Variants in GNG7 observed in about 807,000 individuals in gnomAD.
The protein encoded by GNG7 is guanine nucleotide-binding protein G(I)/G(S)/G(O) subunit gamma-7.
A neutral mutation model predicts 4.0 loss-of-function variants in GNG7; 1 was observed. That is an observed-to-expected ratio of 0.25 (90% CI 0.09 to 1.18). GNG7 has a LOEUF of 1.18. Among genes scored for constraint, GNG7 ranks in the 50% most tolerant of loss-of-function variants. The pLI, the probability that GNG7 is intolerant of heterozygous loss-of-function variation, is 0.50. For missense variants in GNG7, 86 were observed against 91.9 expected, an observed-to-expected ratio of 0.94 and a Z score of 0.26; for synonymous variants, 34 against 36.9, an observed-to-expected ratio of 0.92 and a Z score of 0.29.
In GNG7 at chr19:2,513,099, A is replaced by T; in HGVS notation, c.*1923T>A. 1.0e-6 allele frequency: 1 copy of T among 985,498 alleles called. No homozygotes were observed. Among genetic ancestry groups the T allele is most frequent in the Non-Finnish European group, 1.2e-6 (1 of 830,034 alleles). 61.0% of individuals were successfully genotyped at this position (985,498 alleles called of 1,614,324 possible). On this transcript the variant is annotated 3_prime_UTR_variant, in exon 5 of 5. Transcript: ENST00000382159. ...GGCTGTGGCCTGTGGGAGCTGCCCG[A>T]GGTTGAGGAGTGGAGGTCACTCCCC... is the stretch of plus-strand genomic sequence containing the variant.
intron 1 of GNG7, among the ~76,000 whole-genome samples, chr19:2,664,209 C>T (rs1329406029): frequency 2.6e-5 from 4 of 152,182 alleles, no homozygotes; most frequent in Non-Finnish European, 4.4e-5. Context: ...GTGGCAGGGG[C>T]GTCTTGTCTC....
chr19:2,604,051 T>C (rs184468289), intron 2 of GNG7, among the ~76,000 whole-genome samples: 7 of 151,592 alleles, frequency 4.6e-5, no homozygotes, highest in African/African-American at 1.7e-4. Flanking sequence ...GGGGTTTCAC[T>C]GTGTTAGCCA....
intron 2 of GNG7, among the ~76,000 whole-genome samples, chr19:2,593,438 A>G (rs1289151389): frequency 6.6e-6 from 1 of 152,164 alleles, no homozygotes. Context: ...GCTGCTCTAA[A>G]GATTTCAAAA....
intron 1 of GNG7, among the ~76,000 whole-genome samples, chr19:2,673,475 C>T (rs1203510661): frequency 1.3e-5 from 2 of 151,550 alleles, no homozygotes; most frequent in Non-Finnish European, 2.9e-5. Flanking sequence ...GGCGGCTCAC[C>T]TGAGGTCAGG....
chr19:2,589,904 C>T lies in GNG7; in HGVS notation c.-77-34716G>A, dbSNP rs541788119. On this transcript the variant is annotated intron_variant, in intron 2 of 4. Coordinates refer to ENST00000382159, the MANE Select transcript of GNG7 (RefSeq NM_052847.3). ...TCAGCTCACTGCAACCTCCACCTCCCGGGTTCAAGCGATTCTTCTACCTCA... is the reference window on the plus strand; with the variant it reads ...TCAGCTCACTGCAACCTCCACCTCCTGGGTTCAAGCGATTCTTCTACCTCA... 5.3e-5 allele frequency among the ~76,000 whole-genome samples: 8 copies of T among 152,198 alleles called. No individual in the cohort carries two copies. In the South Asian group the frequency reaches 1.2e-3, roughly 24 times the overall value.
intron 2 of GNG7, among the ~76,000 whole-genome samples, chr19:2,573,209 G>C (rs1048718377): frequency 6.6e-6 from 1 of 151,150 alleles, no homozygotes; most frequent in African/African-American, 2.4e-5. Flanking sequence ...TTTTAGTAGC[G>C]ACGGGGTTTC....
chr19:2,685,773 T>A (rs1021982518), intron 1 of GNG7, among the ~76,000 whole-genome samples: 3 of 152,082 alleles, frequency 2.0e-5, no homozygotes, highest in African/African-American at 7.2e-5. Flanking sequence ...CCGCCCGGTG[T>A]CCTCCTCCCG....
chr19:2,634,571 G>GC lies in GNG7; in HGVS notation c.-78+11652dup, dbSNP rs1245272985. Among the ~76,000 whole-genome samples, 3 of 152,200 alleles carry GC rather than the reference G, an allele frequency of 2.0e-5. No homozygotes were observed. Among genetic ancestry groups the GC allele is most frequent in the Non-Finnish European group, 4.4e-5 (3 of 67,998 alleles). On this transcript the variant is annotated intron_variant, in intron 2 of 4. Transcript: ENST00000382159. This position sits in a 1 kb window ranked among gnomAD's most constrained non-coding sequence, Gnocchi z 5.3. ...GCAGAGCCCCTGATTTCGGCACAGC[G>GC]CCCCGTAATTACTTGCGGGCTGCAC...
chr19:2,657,337 TAAAAAAAAAAAAAAAAAAAA>T (rs372388972), intron 1 of GNG7, among the ~76,000 whole-genome samples: 226 of 13,960 alleles, frequency 0.016, 15 homozygotes, highest in Middle Eastern at 0.033. Context: ...CCGTCTCAAT[TAAAAAAAAAAAAAAAAAAAA>T]AAAAATATAT....
chr19:2,677,722 AC>A (rs1568282363), intron 1 of GNG7, among the ~76,000 whole-genome samples: 1 of 151,840 alleles, frequency 6.6e-6, no homozygotes, highest in East Asian at 1.9e-4. Flanking sequence ...GAATCCCCTA[AC>A]CCCCGGGGGT....
intron 3 of GNG7, among the ~76,000 whole-genome samples, chr19:2,528,932 G>A (rs1482662899): frequency 6.6e-6 from 1 of 152,210 alleles, no homozygotes; most frequent in Non-Finnish European, 1.5e-5. Flanking sequence ...GAAAGACAAG[G>A]TGGCTGGAAC....
chr19:2,536,762 G>A (rs1382982575), intron 3 of GNG7, among the ~76,000 whole-genome samples: 3 of 152,018 alleles, frequency 2.0e-5, no homozygotes, highest in Admixed American at 1.3e-4. Context: ...ACTAGACAGC[G>A]GTTTCCCCTG....
At chr19:2,662,280 A>AAAAAAAAG (rs34389468) in intron 1 of GNG7, among the ~76,000 whole-genome samples, 1 of 143,084 alleles carries the variant, frequency 7.0e-6, no homozygotes. Context: ...AAAAAAAAAA[A>AAAAAAAAG]TCAACCCAAG....
chr19:2,565,240 G>T (rs1407749171), intron 2 of GNG7, among the ~76,000 whole-genome samples: 1 of 151,898 alleles, frequency 6.6e-6, no homozygotes, highest in African/African-American at 2.4e-5. Flanking sequence ...TGCCAGGCGC[G>T]GTGGCTCACA....
intron 3 of GNG7, among the ~76,000 whole-genome samples, chr19:2,551,230 C>T (rs1979308631): frequency 6.6e-6 from 1 of 152,218 alleles, no homozygotes; most frequent in African/African-American, 2.4e-5. Context: ...CAAAGGAGGT[C>T]TGGTCTCCCG....
At chr19:2,548,481 GAA>G (rs34242476) in intron 3 of GNG7, among the ~76,000 whole-genome samples, 10,838 of 76,204 alleles carry the variant, frequency 0.14, 514 homozygotes, top group South Asian at 0.23. Flanking sequence ...GCTCTGTCTG[GAA>G]AAAAAAAAAA....
intron 1 of GNG7, among the ~76,000 whole-genome samples, chr19:2,655,796 G>C (rs1455472148): frequency 1.4e-5 from 2 of 142,340 alleles, no homozygotes; most frequent in African/African-American, 5.3e-5. Context: ...TCGAGATCGC[G>C]CCACTGCACT....
intron 1 of GNG7, among the ~76,000 whole-genome samples, chr19:2,662,291 A>G (rs1041687170): frequency 6.6e-6 from 1 of 151,204 alleles, no homozygotes; most frequent in Non-Finnish European, 1.5e-5. Context: ...TCAACCCAAG[A>G]TATTTCTGTG....
chr19:2,605,628 C>G (rs1235145263), intron 2 of GNG7, among the ~76,000 whole-genome samples: 1 of 150,072 alleles, frequency 6.7e-6, no homozygotes, highest in African/African-American at 2.5e-5. Context: ...ATTCTCCTGC[C>G]TCAGCCTCCC....
Sources: allele counts gnomAD v4.1 joint callset (sites outside exome capture counted in the v4.1 genomes callset), GRCh38; gene constraint gnomAD v4.1.1; non-coding constraint Gnocchi (gnomAD v3.1); transcripts MANE v1.5; gene names NCBI Gene and HGNC (gene_info 2026-07-23, HGNC 2026-07-21).